Variants in KLHL3 observed in about 807,000 individuals in gnomAD.
KLHL3 encodes the protein kelch like family member 3, also known as kelch-like protein 3.
A neutral mutation model predicts 70.5 loss-of-function variants in KLHL3; 19 were observed. The observed-to-expected ratio is 0.27, with a 90% confidence interval of 0.19 to 0.40. The LOEUF (loss-of-function observed/expected upper bound fraction) is 0.40, where lower values mean the gene tolerates loss of function less well. KLHL3 is among the 10% of genes least tolerant of loss of function. The pLI, the probability that KLHL3 is intolerant of heterozygous loss-of-function variation, is 1.00. For synonymous variants in KLHL3, 258 were observed against 290.3 expected, an observed-to-expected ratio of 0.89 and a Z score of 1.13; for missense variants, 512 against 771.1, an observed-to-expected ratio of 0.66 and a Z score of 3.98.
chr5:137,714,483 T>C (rs1752857058), intron 2 of KLHL3, among the ~76,000 whole-genome samples: 1 of 152,200 alleles, frequency 6.6e-6, no homozygotes, highest in Non-Finnish European at 1.5e-5. Context: ...TACTGAGACA[T>C]GCTACAACAT....
In KLHL3 at chr5:137,639,807, G is replaced by A. The variant is rs562618199; in HGVS notation, c.1021+53C>T. 16 of 1,355,936 alleles carry A rather than the reference G, an allele frequency of 1.2e-5. No homozygotes were observed. The highest frequency in any genetic ancestry group is 4.6e-5 in the East Asian group (2 of 43,562). 84.0% of individuals were successfully genotyped at this position (1,355,936 alleles called of 1,614,324 possible). Reference sequence around the variant, plus strand: ...AGGAGTAGCTCACGACTTCTGGCACGGAGTGGGGACCAGCAGGGGAAAAAC... The same window carrying A: ...AGGAGTAGCTCACGACTTCTGGCACAGAGTGGGGACCAGCAGGGGAAAAAC... On this transcript the variant is annotated intron_variant, in intron 9 of 14. Transcript: ENST00000309755. This position sits in a 1 kb window ranked among gnomAD's most constrained non-coding sequence, Gnocchi z 5.0.
chr5:137,645,643 A>G (rs1665473486), intron 8 of KLHL3, among the ~76,000 whole-genome samples: 1 of 152,196 alleles, frequency 6.6e-6, no homozygotes, highest in African/African-American at 2.4e-5. Flanking sequence ...AACATTGACG[A>G]AAGAAATTGA....
intron 1 of KLHL3, among the ~76,000 whole-genome samples, chr5:137,727,629 C>T (rs781027071): frequency 3.3e-5 from 5 of 152,174 alleles, no homozygotes; most frequent in African/African-American, 1.2e-4. Context: ...TTATTCCCCA[C>T]TCATTCTCCC....
chr5:137,729,778 G>C (rs1398296421), intron 1 of KLHL3, among the ~76,000 whole-genome samples: 1 of 152,076 alleles, frequency 6.6e-6, no homozygotes, highest in African/African-American at 2.4e-5. Flanking sequence ...TAAAGTTCAA[G>C]ACCAAAATGA....
intron 14 of KLHL3, among the ~76,000 whole-genome samples, chr5:137,623,602 C>T (rs907519548): frequency 4.6e-5 from 7 of 152,082 alleles, no homozygotes; most frequent in Non-Finnish European, 7.4e-5. Flanking sequence ...AAATGCAGAA[C>T]ACAAAGAAAA....
At chr5:137,627,338 A>G (rs1750493385) in intron 13 of KLHL3, among the ~76,000 whole-genome samples, 2 of 152,148 alleles carry the variant, frequency 1.3e-5, no homozygotes, top group African/African-American at 2.4e-5. Context: ...ACAAACACAC[A>G]TTTACATCTA....
At chr5:137,670,924 G>A (rs566584954) in intron 6 of KLHL3, among the ~76,000 whole-genome samples, 2 of 147,810 alleles carry the variant, frequency 1.4e-5, no homozygotes, top group African/African-American at 5.0e-5. Context: ...AGTGAGCCGA[G>A]ATCGTGCCAC....
At chr5:137,690,143 C>T (rs1375158146) in intron 5 of KLHL3, among the ~76,000 whole-genome samples, 4 of 152,096 alleles carry the variant, frequency 2.6e-5, no homozygotes, top group Non-Finnish European at 5.9e-5. Flanking sequence ...TTGGCTAACA[C>T]GGTGAAACCC....
At chr5:137,643,704 C>A (rs1379612685) in intron 8 of KLHL3, among the ~76,000 whole-genome samples, 1 of 152,158 alleles carries the variant, frequency 6.6e-6, no homozygotes, top group Non-Finnish European at 1.5e-5. Context: ...GCATACCCAC[C>A]ATCTCAAACA....
chr5:137,732,682 GC>G (rs1397094652), intron 1 of KLHL3, among the ~76,000 whole-genome samples: 1 of 152,102 alleles, frequency 6.6e-6, no homozygotes, highest in Non-Finnish European at 1.5e-5. Context: ...TAGTAACCCA[GC>G]AGCAAAGTAT....
intron 2 of KLHL3, among the ~76,000 whole-genome samples, chr5:137,712,214 A>G (rs151191527): frequency 1.5e-4 from 23 of 151,870 alleles, no homozygotes; most frequent in African/African-American, 5.3e-4. Context: ...GGTAACTAAT[A>G]AGAAAATTGT....
In KLHL3 at chr5:137,677,626, T is replaced by C. The variant is rs780381016; in HGVS notation, c.555A>G (p.Gly185=). Residue 185 remains glycine (G), a synonymous_variant, in exon 6 of 15, where the codon GGA becomes GGG. Transcript: ENST00000309755. ...AEQHFPEVML[G]EEFLSLSLDQ... is the part of the protein sequence containing the mutation. The stretch of plus-strand genomic sequence containing the variant: ...CCAGACTCAGGCTAAGAAATTCTTC[T>C]CCTAGCATCACCTCTGGAAAGTGCT... 2 of 1,605,152 alleles carry C rather than the reference T, an allele frequency of 1.2e-6. No homozygotes were observed. The highest frequency in any genetic ancestry group is 1.4e-5 in the African/African-American group (1 of 73,690).
chr5:137,720,024 G>A lies in KLHL3; in HGVS notation c.134+441C>T, dbSNP rs181586530. Among the ~76,000 whole-genome samples, 11 of 152,250 alleles carry A rather than the reference G, an allele frequency of 7.2e-5. No individual in the cohort carries two copies. In the East Asian group the frequency reaches 1.4e-3, roughly 19 times the overall value. On this transcript the variant is annotated intron_variant, in intron 2 of 14. Coordinates refer to ENST00000309755, the MANE Select transcript of KLHL3 (RefSeq NM_017415.3). The stretch of plus-strand genomic sequence containing the variant: ...CAGAGTTCGAAAGGGGAAACCTGCC[G>A]GGCGCGGTGGCTCACGCCTGTAATC...
At chr5:137,656,921 C>T (rs542479623) in intron 8 of KLHL3, among the ~76,000 whole-genome samples, 1 of 152,316 alleles carries the variant, frequency 6.6e-6, no homozygotes, top group Admixed American at 6.5e-5. Context: ...TCAGTTTCCT[C>T]CTTTATAAAA....
intron 6 of KLHL3, among the ~76,000 whole-genome samples, chr5:137,673,182 TTG>T (rs1434799391): frequency 2.0e-5 from 3 of 152,152 alleles, no homozygotes; most frequent in Non-Finnish European, 4.4e-5. Context: ...GCCCTTTGTT[TTG>T]TGTTAAATGA....
At chr5:137,637,659 G>A (rs1053013928) in intron 10 of KLHL3, among the ~76,000 whole-genome samples, 28 of 152,326 alleles carry the variant, frequency 1.8e-4, no homozygotes, top group African/African-American at 6.3e-4. Flanking sequence ...GGCAAATGTA[G>A]ATCATAAAAA....
At chr5:137,725,808 T>C (rs1753077141) in intron 1 of KLHL3, among the ~76,000 whole-genome samples, 1 of 152,210 alleles carries the variant, frequency 6.6e-6, no homozygotes, top group Non-Finnish European at 1.5e-5. Flanking sequence ...GGTGCCATGA[T>C]GAACCCACTG....
intron 1 of KLHL3, among the ~76,000 whole-genome samples, chr5:137,728,036 G>A (rs1218760779): frequency 6.6e-6 from 1 of 152,082 alleles, no homozygotes; most frequent in East Asian, 1.9e-4. Context: ...AGACACAATA[G>A]ACATAACCTC....
chr5:137,663,554 T>C (rs923888294), intron 6 of KLHL3, among the ~76,000 whole-genome samples: 4 of 151,622 alleles, frequency 2.6e-5, no homozygotes, highest in Non-Finnish European at 2.9e-5. Flanking sequence ...TAAATAATTA[T>C]ATAAGATTGC....
Sources: gnomAD v4.1 joint callset for allele counts (sites outside exome capture counted in the v4.1 genomes callset) on GRCh38, gnomAD v4.1.1 for gene constraint, Gnocchi (gnomAD v3.1) non-coding constraint, MANE v1.5 for transcripts, NCBI Gene and HGNC (gene_info 2026-07-23, HGNC 2026-07-21) for gene names.